CARS1: variants seen among roughly 807,000 people sequenced by gnomAD.
The protein encoded by CARS1 is cysteinyl-tRNA synthetase 1.
CARS1 carries 48 observed loss-of-function variants against 106.2 expected under a neutral mutation model. The ratio of observed to expected loss-of-function variants is 0.45; its 90% CI spans 0.36 to 0.57. The LOEUF (loss-of-function observed/expected upper bound fraction) is 0.57, where lower values mean the gene tolerates loss of function less well. Ranked by LOEUF, CARS1 falls within the 20% of genes least tolerant of loss-of-function variation. The pLI, the probability that CARS1 is intolerant of heterozygous loss-of-function variation, is 0.00. For synonymous variants in CARS1, 409 were observed against 403.4 expected, an observed-to-expected ratio of 1.01 and a Z score of -0.17; for missense variants, 968 against 1,057.2, an observed-to-expected ratio of 0.92 and a Z score of 1.17.
At position 3,041,062 on chromosome 11, in the gene CARS1, C is replaced by T. The variant is rs1854387018; in HGVS notation, c.367-78G>A. 3 of 1,610,080 alleles carry T rather than the reference C, an allele frequency of 1.9e-6. No homozygotes were observed. In the Admixed American group the frequency reaches 5.0e-5, roughly 27 times the overall value. On this transcript the variant is annotated intron_variant, in intron 3 of 22. Coordinates refer to ENST00000380525, the MANE Select transcript of CARS1 (RefSeq NM_001014437.3). This position sits in a 1 kb window ranked among gnomAD's most constrained non-coding sequence, Gnocchi z 4.9. Reference sequence around the variant, plus strand: ...CAGGATTACCAAAAACAGCAACAAACATCACAGTGTGGTTTGTGTTTAGTG... The same window carrying T: ...CAGGATTACCAAAAACAGCAACAAATATCACAGTGTGGTTTGTGTTTAGTG...
chr11:3,039,843 C>G lies in CARS1; in HGVS notation c.544G>C (p.Asp182His). ...VFYCMNITDI[D>H]DKIIKRARQN... ...TTACAAATTCCCTTTACCTTGTCAT[C>G]AATATCCGTAATGTTCATGCAATAA... The change falls in exon 5 of 23, where the codon GAT becomes CAT. Residue 182 changes from aspartate to histidine, a missense_variant. By Grantham distance (81) the Asp-to-His change is moderately conservative (BLOSUM62 -1). Coordinates refer to ENST00000380525, the MANE Select transcript of CARS1 (RefSeq NM_001014437.3). This position sits in a 1 kb window ranked among gnomAD's most constrained non-coding sequence, Gnocchi z 5.6. The G allele has an allele frequency of 6.6e-7, 1 of 1,508,300 alleles. No homozygotes were observed. The highest frequency in any genetic ancestry group is 9.1e-7 in the Non-Finnish European group (1 of 1,101,472). The allele number at this position is 1,508,300 out of a possible 1,614,324, so 93.4% of individuals were successfully genotyped here. A position where few individuals can be genotyped will look rare whatever the true frequency, so the allele number is the denominator to read the frequency against.
At position 3,034,925 on chromosome 11, in the gene CARS1, T is replaced by C. The variant is rs114444872; in HGVS notation, c.801+3125A>G. On this transcript the variant is annotated intron_variant, in intron 7 of 22. Coordinates refer to ENST00000380525, the MANE Select transcript of CARS1 (RefSeq NM_001014437.3). This position sits in a 1 kb window ranked among gnomAD's most constrained non-coding sequence, Gnocchi z 6.3. ...AAGGGGCCACATCTGTTCTGGGCCT[T>C]CTTGCTGGTGGGGACTTTTCCCAGA... Among the ~76,000 whole-genome samples, 2,947 of 152,248 alleles carry C rather than the reference T, an allele frequency of 0.019. 24 individuals are homozygous for C. Among genetic ancestry groups the C allele is most frequent in the Middle Eastern group, 0.041 (12 of 294 alleles).
In CARS1 at chr11:3,047,926, G is replaced by C; in HGVS notation, c.101C>G (p.Thr34Arg). ...TGAGTACCCCTGGACATAGCTACGC[G>C]TGCTGAGGTGCTCGTTCAGGGCTTG... Reference protein sequence around the residue: ...RAQALNEHLSTRSYVQGYSLS... With the variant: ...RAQALNEHLSRRSYVQGYSLS... The change falls in exon 2 of 23, where the codon ACG becomes AGG. Residue 34 changes from threonine to arginine, a missense_variant. Coordinates refer to ENST00000380525, the MANE Select transcript of CARS1 (RefSeq NM_001014437.3). The C allele has an allele frequency of 1.2e-6, 2 of 1,614,158 alleles. No homozygotes were observed. Among genetic ancestry groups the C allele is most frequent in the Non-Finnish European group, 1.7e-6 (2 of 1,180,026 alleles).
At position 3,045,901 on chromosome 11, in the gene CARS1, G is replaced by A. The variant is rs531915014; in HGVS notation, c.274+1852C>T. ...AGGACACTACACTGGACTCCATGGC[G>A]CCTTGGACCCACTCGAGGTCACTGG... On this transcript the variant is annotated intron_variant, in intron 2 of 22. Transcript: ENST00000380525. This position sits in a 1 kb window ranked among gnomAD's most constrained non-coding sequence, Gnocchi z 5.6. Among the ~76,000 whole-genome samples, 3 of 152,294 alleles carry A rather than the reference G, an allele frequency of 2.0e-5. No individual in the cohort carries two copies. The highest frequency in any genetic ancestry group is 4.1e-4 in the South Asian group (2 of 4,828).
Position 3,047,759 on chromosome 11 carries a change from G to A in CARS1, c.268C>T (p.Gln90Ter), listed in dbSNP as rs778356351. 6.2e-7 allele frequency: 1 copy of A among 1,609,934 alleles called. No homozygotes were observed. The highest frequency in any genetic ancestry group is 1.3e-5 in the African/African-American group (1 of 74,912). The stretch of plus-strand genomic sequence containing the variant: ...AACCCACTCTGTTACTCACTTGCTT[G>A]GAGCCTGCAGGGCTGGCCTTTGCCA... ...PCGKGQPCRL[Q>*]ASKGRRVQPQ... is the part of the protein sequence containing the mutation. The change falls in exon 2 of 23, where the codon CAA becomes TAA. Residue 90 changes from glutamine (Q) to a stop codon, truncating the protein, a stop_gained. Coordinates refer to ENST00000380525, the MANE Select transcript of CARS1 (RefSeq NM_001014437.3). LOFTEE classifies it high-confidence loss of function.
intron 7 of CARS1, among the ~76,000 whole-genome samples, chr11:3,031,926 T>A (rs1590435328): frequency 6.6e-6 from 1 of 151,568 alleles, no homozygotes; most frequent in Admixed American, 6.6e-5. Flanking sequence ...GTGTTTCCAA[T>A]AGCAAGAAGG....
rs935567016 is a variant in CARS1 at position 3,043,223 on chromosome 11, C to T, written c.275-967G>A. ...AACCTGGCACAAGGCTGTCCTTACA[C>T]AACCTGCATCTGAGATCCCTGAAGG... On this transcript the variant is annotated intron_variant, in intron 2 of 22. Coordinates refer to ENST00000380525, the MANE Select transcript of CARS1 (RefSeq NM_001014437.3). This position sits in a 1 kb window ranked among gnomAD's most constrained non-coding sequence, Gnocchi z 4.0. Among the ~76,000 whole-genome samples the T allele has an allele frequency of 5.3e-5, 8 of 152,074 alleles. No homozygotes were observed. The highest frequency in any genetic ancestry group is 8.8e-5 in the Non-Finnish European group (6 of 68,000).
rs116718655 is a variant in CARS1, at chr11:3,027,199, C to T, written c.1032-402G>A. ...TTACTCCAGTCTGGAATGACCTGTCCTCTCTGAGCTTCGGCTTGCCCATGC... is the reference window on the plus strand; with the variant it reads ...TTACTCCAGTCTGGAATGACCTGTCTTCTCTGAGCTTCGGCTTGCCCATGC... On this transcript the variant is annotated intron_variant, in intron 9 of 22. Transcript: ENST00000380525. 1,283 of 158,702 alleles carry T rather than the reference C, an allele frequency of 8.1e-3. 21 individuals carry two copies. Among genetic ancestry groups the T allele is most frequent in the African/African-American group, 0.029 (1,216 of 41,754 alleles). The allele number at this position is 158,702 out of a possible 1,614,324, so 9.8% of individuals were successfully genotyped here. A position where few individuals can be genotyped will look rare whatever the true frequency, so the allele number is the denominator to read the frequency against.
Position 3,008,990 on chromosome 11 carries a change from T to G in CARS1, c.2069-2031A>C, listed in dbSNP as rs1214931996. 1 of 152,058 alleles carries G rather than the reference T, an allele frequency of 6.6e-6. No homozygotes were observed. Among genetic ancestry groups the G allele is most frequent in the Non-Finnish European group, 1.5e-5 (1 of 68,120 alleles). 9.4% of individuals were successfully genotyped at this position (152,058 alleles called of 1,614,324 possible). On this transcript the variant is annotated intron_variant, in intron 18 of 22. Coordinates refer to ENST00000380525, the MANE Select transcript of CARS1 (RefSeq NM_001014437.3). This position sits in a 1 kb window ranked among gnomAD's most constrained non-coding sequence, Gnocchi z 5.1. ...CATCAGAGCAGGCACCAAGAAAGCC[T>G]CCCGGGCCACACTCCCTGGGGGAAA...
At chr11:3,013,115 C>T (rs1249873014) in intron 17 of CARS1, among the ~76,000 whole-genome samples, 3 of 151,452 alleles carry the variant, frequency 2.0e-5, no homozygotes, top group Non-Finnish European at 2.9e-5. Context: ...GTCTCAATCT[C>T]CTAACCTTGT....
At chr11:3,035,055 A>T (rs1380878510) in intron 7 of CARS1, among the ~76,000 whole-genome samples, 2 of 151,924 alleles carry the variant, frequency 1.3e-5, no homozygotes, top group Admixed American at 6.6e-5. Context: ...TTCTGTGATA[A>T]CCCATTAATC....
chr11:3,051,465 G>A (rs969978229), intron 1 of CARS1, among the ~76,000 whole-genome samples: 2 of 152,162 alleles, frequency 1.3e-5, no homozygotes, highest in African/African-American at 4.8e-5. Flanking sequence ...GGAGGACGGA[G>A]GCGGAGGCAG....
chr11:3,002,620 C>T lies in CARS1; in HGVS notation c.2218-20G>A, dbSNP rs201089502. ...TTCAACCTGGAGGGTCAATACAGAG[C>T]CAGATGAGACAGGGCTGCCTCAGGC... is the stretch of plus-strand genomic sequence containing the variant. On this transcript the variant is annotated intron_variant, in intron 20 of 22. Coordinates refer to ENST00000380525, the MANE Select transcript of CARS1 (RefSeq NM_001014437.3). The T allele has an allele frequency of 1.9e-6, 3 of 1,613,806 alleles. No individual in the cohort carries two copies. Among genetic ancestry groups the T allele is most frequent in the South Asian group, 2.2e-5 (2 of 91,074 alleles).
chr11:3,021,756 G>A lies in CARS1; in HGVS notation c.1154-1424C>T, dbSNP rs1203339799. Among the ~76,000 whole-genome samples the A allele has an allele frequency of 6.6e-6, 1 of 152,142 alleles. No homozygotes were observed. The highest frequency in any genetic ancestry group is 1.9e-4 in the East Asian group (1 of 5,198). On this transcript the variant is annotated intron_variant, in intron 10 of 22. Coordinates refer to ENST00000380525, the MANE Select transcript of CARS1 (RefSeq NM_001014437.3). The surrounding 1 kb of genome is among the most constrained non-coding windows in gnomAD (Gnocchi z 5.3). Reference sequence around the variant, plus strand: ...AAAAAACCTCTGCAAGCAAAATCCAGATCTATCCACCAACACGGAAGGCCG... The same window carrying A: ...AAAAAACCTCTGCAAGCAAAATCCAAATCTATCCACCAACACGGAAGGCCG...
Position 3,045,242 on chromosome 11 carries a change from G to T in CARS1, c.274+2511C>A, listed in dbSNP as rs1431920784. The stretch of plus-strand genomic sequence containing the variant: ...GGCTTCACAGGAGTAGGGACCTGGG[G>T]GTTAAGCAGAGCCTTTCCATTATCT... On this transcript the variant is annotated intron_variant, in intron 2 of 22. Coordinates refer to ENST00000380525, the MANE Select transcript of CARS1 (RefSeq NM_001014437.3). This position sits in a 1 kb window ranked among gnomAD's most constrained non-coding sequence, Gnocchi z 5.6. 2.0e-5 allele frequency among the ~76,000 whole-genome samples: 3 copies of T among 152,076 alleles called. No individual in the cohort carries two copies. Among genetic ancestry groups the T allele is most frequent in the African/African-American group, 7.2e-5 (3 of 41,416 alleles).
In CARS1 at chr11:3,019,050, G is replaced by T; in HGVS notation, c.1395+89C>A. On this transcript the variant is annotated intron_variant, in intron 12 of 22. Coordinates refer to ENST00000380525, the MANE Select transcript of CARS1 (RefSeq NM_001014437.3). The surrounding 1 kb of genome is among the most constrained non-coding windows in gnomAD (Gnocchi z 6.2). ...AAGGTGTCAAGTTCTAGTGAGAGAG[G>T]CCCTTCTGAGGCCTGGGCTGACTTT... The T allele has an allele frequency of 7.2e-7, 1 of 1,388,754 alleles. No individual in the cohort carries two copies. The highest frequency in any genetic ancestry group is 9.7e-7 in the Non-Finnish European group (1 of 1,032,412). 86.0% of individuals were successfully genotyped at this position (1,388,754 alleles called of 1,614,324 possible).
At position 3,057,325 on chromosome 11, in the gene CARS1, C is replaced by G. The variant is rs1413909374; in HGVS notation, c.25+18G>C. On this transcript the variant is annotated intron_variant, in intron 1 of 22. Transcript: ENST00000380525. ...AGGCCCCCAGCCGCCCTCAGCCTGG[C>G]CCGGCCGCGCCGCTCACCCTGCTGC... 6.2e-7 allele frequency: 1 copy of G among 1,606,516 alleles called. No homozygotes were observed. The highest frequency in any genetic ancestry group is 1.1e-5 in the South Asian group (1 of 90,494).
At position 3,047,895 on chromosome 11, in the gene CARS1, G is replaced by C; in HGVS notation, c.132C>G (p.Ser44=). The C allele has an allele frequency of 6.2e-7, 1 of 1,614,144 alleles. No homozygotes were observed. The highest frequency in any genetic ancestry group is 1.1e-5 in the South Asian group (1 of 91,082). Residue 44 remains serine, a synonymous_variant, in exon 2 of 23, where the codon TCC becomes TCG. Coordinates refer to ENST00000380525, the MANE Select transcript of CARS1 (RefSeq NM_001014437.3). Reference sequence around the variant, plus strand: ...GCCTGAACGCGTCCACGTCTGCCTGGGACAGTGAGTACCCCTGGACATAGC... The same window carrying C: ...GCCTGAACGCGTCCACGTCTGCCTGCGACAGTGAGTACCCCTGGACATAGC... The part of the protein sequence containing the change: ...TRSYVQGYSL[S]QADVDAFRQL...
At chr11:3,042,447 C>T (rs1409574717) in intron 2 of CARS1, 191 bp from the exon 3 acceptor site, 20 of 554,844 alleles carry the variant, frequency 3.6e-5, no homozygotes, top group South Asian at 2.2e-4. Context: ...TTTTTTTAGA[C>T]GGAGTCTCGC....
Sources: allele counts gnomAD v4.1 joint callset (sites outside exome capture counted in the v4.1 genomes callset), GRCh38; gene constraint gnomAD v4.1.1; non-coding constraint Gnocchi (gnomAD v3.1); transcripts MANE v1.5; gene names NCBI Gene and HGNC (gene_info 2026-07-23, HGNC 2026-07-21).